Variants in CACNA1A observed in about 807,000 individuals in gnomAD.
CACNA1A encodes voltage-dependent P/Q-type calcium channel subunit alpha-1A.
Under a neutral mutation model 262.4 loss-of-function variants are expected in CACNA1A, and 57 were observed. The observed-to-expected ratio is 0.22, with a 90% CI of 0.18 to 0.27. The LOEUF is 0.27. Ranked by LOEUF, CACNA1A falls within the 10% of genes least tolerant of loss-of-function variation. The probability of loss-of-function intolerance (pLI) is 1.00; values close to 1 mark genes in which losing one functional copy is unlikely to be tolerated. For synonymous variants in CACNA1A, 1,431 were observed against 1,419.3 expected, an observed-to-expected ratio of 1.01 and a Z score of -0.18; for missense variants, 2,526 against 3,562.8, an observed-to-expected ratio of 0.71 and a Z score of 7.41.
chr19:13,350,088 T>G (rs558257111), intron 6 of CACNA1A, among the ~76,000 whole-genome samples: 1 of 152,296 alleles, frequency 6.6e-6, no homozygotes, highest in East Asian at 1.9e-4. Context: ...CCAGTAAACC[T>G]GCATTTGTAG....
In CACNA1A at chr19:13,255,221, C is replaced by T; in HGVS notation, c.4629G>A (p.Leu1543=). 2 of 1,609,780 alleles carry T rather than the reference C, an allele frequency of 1.2e-6. No homozygotes were observed. The highest frequency in any genetic ancestry group is 1.7e-6 in the Non-Finnish European group (2 of 1,176,542). The change falls in exon 29 of 47, where the codon CTG becomes CTA. Residue 1543 remains leucine (L), a synonymous_variant. Coordinates refer to ENST00000360228, the MANE Select transcript of CACNA1A (RefSeq NM_001127222.2). ...CIDFAISAKP[L]TRHMPQNKQS... ...GCTTGTTCTGCGGCATGTGTCGGGT[C>T]AGCGGCTTGGCGCTGATGGCGAAAT...
In CACNA1A at chr19:13,214,414, A is replaced by G. The variant is rs2054923849; in HGVS notation, c.5840-81T>C. ...CCTGGGTCCCTGTGTATACCAGCCC[A>G]GGCCAACACTCTCCCCAGGCCTCCC... is the stretch of plus-strand genomic sequence containing the variant. On this transcript the variant is annotated intron_variant, in intron 39 of 46. Transcript: ENST00000360228. This position sits in a 1 kb window ranked among gnomAD's most constrained non-coding sequence, Gnocchi z 4.1. 1.3e-6 allele frequency: 2 copies of G among 1,547,372 alleles called. No individual in the cohort carries two copies. The highest frequency in any genetic ancestry group is 2.3e-5 in the South Asian group (2 of 88,580).
rs1174031992 is a variant in CACNA1A, at chr19:13,207,537, C to T, written c.7297G>A (p.Ala2433Thr). The change falls in exon 47 of 47, where the codon GCC (alanine) becomes ACC (threonine). Residue 2433 changes from alanine to threonine, a missense_variant. Transcript: ENST00000360228. This position sits in a 1 kb window ranked among gnomAD's most constrained non-coding sequence, Gnocchi z 5.7. ...CGTACGGGGGGTGGCGCGTCGTAGG[C>T]CCCGGCCATGGCCTCCTCGCCGCCC... ...SGGGEEAMAG[A>T]YDAPPPVRHA... is the part of the protein sequence containing the mutation. 6.9e-7 allele frequency: 1 copy of T among 1,448,642 alleles called. No homozygotes were observed. The highest frequency in any genetic ancestry group is 9.1e-7 in the Non-Finnish European group (1 of 1,100,788). 89.7% of individuals were successfully genotyped at this position (1,448,642 alleles called of 1,614,324 possible).
At chr19:13,291,240 G>T (rs1316340312) in intron 19 of CACNA1A, among the ~76,000 whole-genome samples, 1 of 152,094 alleles carries the variant, frequency 6.6e-6, no homozygotes, top group African/African-American at 2.4e-5. Context: ...TGGACACCTT[G>T]CCTGGGGCAC....
rs758944278 is a variant in CACNA1A at position 13,459,956 on chromosome 19, G to A, written c.294-4744C>T. Among the ~76,000 whole-genome samples, 8 of 152,186 alleles carry A rather than the reference G, an allele frequency of 5.3e-5. No individual in the cohort carries two copies. In the South Asian group the frequency reaches 1.0e-3, roughly 20 times the overall value. Reference sequence around the variant, plus strand: ...GGGTATGGCAATAAAACCTTAGCACGTAGGCAAAAATAAAGAGGTTCTACT... The same window carrying A: ...GGGTATGGCAATAAAACCTTAGCACATAGGCAAAAATAAAGAGGTTCTACT... On this transcript the variant is annotated intron_variant, in intron 1 of 46. Transcript: ENST00000360228.
At chr19:13,334,669 T>C (rs1241192662) in intron 7 of CACNA1A, among the ~76,000 whole-genome samples, 176 bp from the exon 8 acceptor site, 1 of 151,490 alleles carries the variant, frequency 6.6e-6, no homozygotes, top group Non-Finnish European at 1.5e-5. Context: ...TCAGGACTTC[T>C]GGGAAAAGAC....
chr19:13,446,516 A>G (rs1421489719), intron 3 of CACNA1A, among the ~76,000 whole-genome samples: 2 of 140,676 alleles, frequency 1.4e-5, no homozygotes, highest in East Asian at 2.1e-4. Flanking sequence ...ATCTCAGCTC[A>G]CTGCAACCTC....
At chr19:13,366,057 CG>C (rs2059205802) in intron 4 of CACNA1A, 1 of 151,866 alleles carries the variant, frequency 6.6e-6, no homozygotes, top group South Asian at 2.1e-4. Context: ...GGTGCCATCT[CG>C]GCTCACTGCA....
At chr19:13,233,698 C>T (rs890988761) in intron 34 of CACNA1A, among the ~76,000 whole-genome samples, 1 of 151,976 alleles carries the variant, frequency 6.6e-6, no homozygotes, top group Non-Finnish European at 1.5e-5. Flanking sequence ...ACTATGTTGC[C>T]CAGGCTGGTC....
Position 13,208,815 on chromosome 19 carries a change from G to A in CACNA1A, c.6721C>T (p.Arg2241Trp), listed in dbSNP as rs760428308. 12 of 1,548,224 alleles carry A rather than the reference G, an allele frequency of 7.8e-6. 1 individual carries two copies. Among genetic ancestry groups the A allele is most frequent in the Admixed American group, 1.9e-5 (1 of 52,252 alleles). ...ERPDHGRARA[R>W]DQRWSRSPSE... ...GGCGAGCGGGACCAGCGCTGGTCCC[G>A]AGCCCGTGCCCGGCCGTGGTCCGGC... The change falls in exon 46 of 47, where the codon CGG becomes TGG. Residue 2241 changes from arginine to tryptophan, a missense_variant. By Grantham distance (101) the Arg-to-Trp change is moderately radical. Transcript: ENST00000360228.
chr19:13,399,420 GAAGGA>G (rs1364775213), intron 3 of CACNA1A, among the ~76,000 whole-genome samples: 1 of 145,170 alleles, frequency 6.9e-6, no homozygotes, highest in Non-Finnish European at 1.5e-5. Flanking sequence ...AGAAGAAGAA[GAAGGA>G]GAGAAAAGGA....
At chr19:13,322,661 C>T (rs751164003) in intron 10 of CACNA1A, among the ~76,000 whole-genome samples, 8 of 151,716 alleles carry the variant, frequency 5.3e-5, no homozygotes, top group African/African-American at 1.5e-4. Flanking sequence ...AGTGGCATGA[C>T]GTCTGCTCAC....
chr19:13,444,849 A>G (rs2060781231), intron 3 of CACNA1A, among the ~76,000 whole-genome samples: 1 of 152,136 alleles, frequency 6.6e-6, no homozygotes, highest in African/African-American at 2.4e-5. Flanking sequence ...TTAAAATCCA[A>G]TGATGCGGCC....
intron 31 of CACNA1A, among the ~76,000 whole-genome samples, chr19:13,237,350 C>T (rs771138559): frequency 1.2e-4 from 18 of 152,110 alleles, no homozygotes; most frequent in Non-Finnish European, 1.8e-4. Context: ...CTACAGGCCA[C>T]GTAGCAAGAT....
intron 8 of CACNA1A, chr19:13,334,090 G>T: frequency 3.0e-6 from 1 of 330,902 alleles, no homozygotes; most frequent in Non-Finnish European, 5.6e-6. Flanking sequence ...CTGAGGAAAC[G>T]GAGGTACAGG....
intron 1 of CACNA1A, among the ~76,000 whole-genome samples, chr19:13,456,819 G>C (rs552370242): frequency 6.6e-6 from 1 of 152,204 alleles, no homozygotes; most frequent in African/African-American, 2.4e-5. Context: ...TTAGTGATCA[G>C]GGAAGTGCAA....
In CACNA1A at chr19:13,245,336, T is replaced by G. The variant is rs16035; in HGVS notation, c.4867-71A>C. ...TTCCCGGCCCCCTAGGCTGGCCGGG[T>G]GCATGTTAGAGGCACAGTTGCCCAT... On this transcript the variant is annotated intron_variant, in intron 30 of 46. Transcript: ENST00000360228. The G allele has an allele frequency of 0.62, 770,381 of 1,245,900 alleles. 240,846 individuals are homozygous for G. The highest frequency in any genetic ancestry group is 0.8 in the East Asian group (34,395 of 43,154). 77.2% of individuals were successfully genotyped at this position (1,245,900 alleles called of 1,614,324 possible). A position where few individuals can be genotyped will look rare whatever the true frequency, so the allele number is the denominator to read the frequency against.
At chr19:13,294,487 C>CTTTTTTTTTTTTTTTTTTTTTTTTT (rs780908964) in intron 19 of CACNA1A, among the ~76,000 whole-genome samples, 8 of 72,526 alleles carry the variant, frequency 1.1e-4, no homozygotes, top group African/African-American at 2.0e-4. Context: ...CTGTACCTGG[C>CTTTTTTTTTTTTTTTTTTTTTTTTT]TTTTTTTTTT....
chr19:13,489,035 G>T (rs147950983), intron 1 of CACNA1A, among the ~76,000 whole-genome samples: 1 of 93,694 alleles, frequency 1.1e-5, no homozygotes, highest in East Asian at 2.5e-4. Context: ...TTTTTGAGAC[G>T]GAGTCTCTCT....
Sources: allele counts gnomAD v4.1 joint callset (sites outside exome capture counted in the v4.1 genomes callset), GRCh38; gene constraint gnomAD v4.1.1; non-coding constraint Gnocchi (gnomAD v3.1); transcripts MANE v1.5; gene names NCBI Gene and HGNC (gene_info 2026-07-23, HGNC 2026-07-21).